RABGAP1L: variants seen among roughly 807,000 people sequenced by gnomAD.
RABGAP1L encodes RAB GTPase activating protein 1 like.
RABGAP1L carries 63 observed loss-of-function variants against 137.7 expected under a neutral mutation model. The ratio of observed to expected loss-of-function variants is 0.46; its 90% CI spans 0.37 to 0.56. RABGAP1L has a LOEUF of 0.56. Among genes scored for constraint, RABGAP1L ranks in the 20% least tolerant of loss-of-function variants. RABGAP1L has a pLI of 0.00. For synonymous variants in RABGAP1L, 431 were observed against 433.7 expected (o/e 0.99, Z 0.08); for missense variants, 1,095 against 1,244.0 (o/e 0.88, Z 1.80).
intron 17 of RABGAP1L, among the ~76,000 whole-genome samples, chr1:174,711,161 C>A (rs1341884426): frequency 6.6e-6 from 1 of 152,116 alleles, no homozygotes; most frequent in African/African-American, 2.4e-5. Context: ...CACGCCCACC[C>A]GGAACTCACG....
At chr1:174,621,382 A>C (rs1287790329) in intron 13 of RABGAP1L, among the ~76,000 whole-genome samples, 1 of 152,122 alleles carries the variant, frequency 6.6e-6, no homozygotes, top group Non-Finnish European at 1.5e-5. Context: ...CCAAAAATGA[A>C]CCTGCACTGC....
intron 14 of RABGAP1L, among the ~76,000 whole-genome samples, chr1:174,669,380 G>A (rs1333250567): frequency 2.0e-5 from 3 of 152,124 alleles, no homozygotes; most frequent in African/African-American, 7.2e-5. Context: ...TGGGGACACA[G>A]CCAAATCATA....
intron 13 of RABGAP1L, among the ~76,000 whole-genome samples, chr1:174,454,574 A>G (rs182966516): frequency 0.011 from 1,400 of 129,782 alleles, 24 homozygotes; most frequent in African/African-American, 0.043. Flanking sequence ...TTTTTTAGAC[A>G]GAGTCTCGCT....
At chr1:174,699,384 G>T in intron 15 of RABGAP1L, 141 bp from the exon 16 acceptor site, 1 of 588,864 alleles carries the variant, frequency 1.7e-6, no homozygotes, top group South Asian at 3.0e-5. Flanking sequence ...ATGTCACTCT[G>T]CCAAAGACTG....
chr1:174,801,133 T>C (rs917688452), intron 18 of RABGAP1L, among the ~76,000 whole-genome samples: 11 of 152,172 alleles, frequency 7.2e-5, no homozygotes, highest in African/African-American at 2.4e-4. Context: ...TCACCCTTCC[T>C]CATTTCCTAC....
chr1:174,494,007 A>G (rs1170977853), intron 13 of RABGAP1L, among the ~76,000 whole-genome samples: 1 of 152,182 alleles, frequency 6.6e-6, no homozygotes, highest in Non-Finnish European at 1.5e-5. Flanking sequence ...GTATTTTTCA[A>G]ACAAATAATT....
rs780487557 is a variant in RABGAP1L, at chr1:174,448,174, G to A, written c.1710+54029G>A. On this transcript the variant is annotated intron_variant, in intron 13 of 25. Transcript: ENST00000681986. This position sits in a 1 kb window ranked among gnomAD's most constrained non-coding sequence, Gnocchi z 4.2. Reference sequence around the variant, plus strand: ...ACATGAGCAGTGGCATTGTGAATGTGTCCGAGCGTCACTCCTGCCCACTTG... The same window carrying A: ...ACATGAGCAGTGGCATTGTGAATGTATCCGAGCGTCACTCCTGCCCACTTG... The A allele has an allele frequency of 2.5e-6, 4 of 1,613,336 alleles. No individual in the cohort carries two copies. Among genetic ancestry groups the A allele is most frequent in the Non-Finnish European group, 3.4e-6 (4 of 1,179,438 alleles).
chr1:174,615,674 C>A (rs577305102), intron 13 of RABGAP1L, among the ~76,000 whole-genome samples: 5 of 152,198 alleles, frequency 3.3e-5, no homozygotes, highest in African/African-American at 9.7e-5. Flanking sequence ...GTGCCCTGCC[C>A]CCAGAGGTGG....
intron 19 of RABGAP1L, among the ~76,000 whole-genome samples, chr1:174,863,898 T>G (rs545187982): frequency 2.6e-5 from 4 of 151,988 alleles, no homozygotes; most frequent in East Asian, 1.9e-4. Context: ...GAGAATTGCT[T>G]GAACCCAGGA....
At chr1:174,577,392 CTAAGTG>C (rs1487117527) in intron 13 of RABGAP1L, among the ~76,000 whole-genome samples, 1 of 151,574 alleles carries the variant, frequency 6.6e-6, no homozygotes, top group Non-Finnish European at 1.5e-5. Context: ...TTTTTGGTCC[CTAAGTG>C]TACAACTTCA....
chr1:174,296,740 C>A (rs1490106754), intron 10 of RABGAP1L, among the ~76,000 whole-genome samples: 3 of 152,022 alleles, frequency 2.0e-5, no homozygotes, highest in African/African-American at 4.8e-5. Context: ...ATATAGAATT[C>A]ATATTGGAAA....
At chr1:174,413,315 T>C (rs990972551) in intron 13 of RABGAP1L, among the ~76,000 whole-genome samples, 5 of 152,170 alleles carry the variant, frequency 3.3e-5, no homozygotes, top group African/African-American at 9.7e-5. Flanking sequence ...GAAGCTGTCA[T>C]TGATTTATTT....
At chr1:174,987,745 A>G (rs1469794982) in intron 24 of RABGAP1L, among the ~76,000 whole-genome samples, 1 of 152,252 alleles carries the variant, frequency 6.6e-6, no homozygotes, top group Non-Finnish European at 1.5e-5. Context: ...TTGTCTGGAA[A>G]ACAGTTGCTG....
At chr1:174,163,639 C>T (rs1664686150) in intron 1 of RABGAP1L, among the ~76,000 whole-genome samples, 1 of 149,486 alleles carries the variant, frequency 6.7e-6, no homozygotes, top group South Asian at 2.1e-4. Context: ...AACAACAACA[C>T]AATTCTTTAT....
Position 174,617,784 on chromosome 1 carries a change from C to T in RABGAP1L, c.1711-19591C>T, listed in dbSNP as rs1311691648. 2.6e-5 allele frequency among the ~76,000 whole-genome samples: 4 copies of T among 152,178 alleles called. No individual in the cohort carries two copies. In the East Asian group the frequency reaches 5.8e-4, roughly 22 times the overall value. On this transcript the variant is annotated intron_variant, in intron 13 of 25. Transcript: ENST00000681986. ...AGGAACAGCTCCAGTCTACATCTCCCAGCGTGAGCGACGCAGAAGACGGGT... is the reference window on the plus strand; with the variant it reads ...AGGAACAGCTCCAGTCTACATCTCCTAGCGTGAGCGACGCAGAAGACGGGT...
At chr1:174,697,406 C>T (rs1440782971) in intron 15 of RABGAP1L, among the ~76,000 whole-genome samples, 1 of 152,064 alleles carries the variant, frequency 6.6e-6, no homozygotes, top group African/African-American at 2.4e-5. Flanking sequence ...ACTGCAACCT[C>T]CACCTCCCAG....
At chr1:174,606,758 A>G (rs1478803810) in intron 13 of RABGAP1L, among the ~76,000 whole-genome samples, 1 of 152,038 alleles carries the variant, frequency 6.6e-6, no homozygotes, top group Non-Finnish European at 1.5e-5. Flanking sequence ...TGTTATCTCA[A>G]AGTCCTCATT....
At chr1:174,358,278 A>G (rs1683812806) in intron 11 of RABGAP1L, among the ~76,000 whole-genome samples, 1 of 152,210 alleles carries the variant, frequency 6.6e-6, no homozygotes, top group Non-Finnish European at 1.5e-5. Flanking sequence ...CCAAATTCCC[A>G]ATCAGGTCCA....
At chr1:174,721,675 A>G (rs1681548447) in intron 17 of RABGAP1L, among the ~76,000 whole-genome samples, 1 of 152,216 alleles carries the variant, frequency 6.6e-6, no homozygotes, top group Admixed American at 6.5e-5. Context: ...GGAACTTTTT[A>G]GAGTTAGCAG....
Sources: allele counts gnomAD v4.1 joint callset (sites outside exome capture counted in the v4.1 genomes callset), GRCh38; gene constraint gnomAD v4.1.1; non-coding constraint Gnocchi (gnomAD v3.1); transcripts MANE v1.5; gene names NCBI Gene and HGNC (gene_info 2026-07-23, HGNC 2026-07-21).